Variants in RGS6 observed in about 807,000 individuals in gnomAD.
RGS6 encodes the protein regulator of G-protein signaling 6.
Under a neutral mutation model 78.5 loss-of-function variants are expected in RGS6, and 30 were observed. The observed-to-expected ratio is 0.38, with a 90% CI of 0.29 to 0.52. RGS6 has a LOEUF of 0.52. Among genes scored for constraint, RGS6 ranks in the 20% least tolerant of loss-of-function variants. The pLI, the probability that RGS6 is intolerant of heterozygous loss-of-function variation, is 0.85. For synonymous variants in RGS6, 206 were observed against 206.0 expected (o/e 1.00, Z 0.00); for missense variants, 495 against 609.7 (o/e 0.81, Z 1.98).
At chr14:72,061,245 A>T (rs1378740316) in intron 2 of RGS6, among the ~76,000 whole-genome samples, 1 of 152,206 alleles carries the variant, frequency 6.6e-6, no homozygotes, top group Non-Finnish European at 1.5e-5. Flanking sequence ...CTGTGGTAAG[A>T]TAAATTATTG....
intron 2 of RGS6, among the ~76,000 whole-genome samples, chr14:72,175,934 G>C (rs2097099377): frequency 6.6e-6 from 1 of 152,172 alleles, no homozygotes; most frequent in Non-Finnish European, 1.5e-5. Flanking sequence ...CCTGTCTCTT[G>C]ATGCTGTGAA....
At chr14:72,020,629 G>T (rs2088207820) in intron 2 of RGS6, among the ~76,000 whole-genome samples, 1 of 152,208 alleles carries the variant, frequency 6.6e-6, no homozygotes, top group African/African-American at 2.4e-5. Context: ...AGTTTTCTGA[G>T]ATCTTCACCA....
intron 17 of RGS6, among the ~76,000 whole-genome samples, chr14:72,548,798 T>C (rs547614956): frequency 6.6e-6 from 1 of 152,208 alleles, no homozygotes; most frequent in Admixed American, 6.5e-5. Flanking sequence ...AGAGCAAGGC[T>C]AGAACAAATG....
intron 2 of RGS6, among the ~76,000 whole-genome samples, chr14:72,344,415 G>C (rs1379146022): frequency 1.3e-5 from 2 of 152,260 alleles, no homozygotes; most frequent in East Asian, 3.9e-4. Context: ...GAACATTGTT[G>C]CTAAGGTTCA....
intron 3 of RGS6, among the ~76,000 whole-genome samples, chr14:72,389,446 C>T (rs1380543370): frequency 2.0e-5 from 3 of 152,178 alleles, no homozygotes; most frequent in African/African-American, 7.2e-5. Context: ...GGCCAGGACA[C>T]ACACTGGGTG....
chr14:72,235,065 G>A (rs2050665414), intron 2 of RGS6, among the ~76,000 whole-genome samples: 1 of 152,072 alleles, frequency 6.6e-6, no homozygotes, highest in Non-Finnish European at 1.5e-5. Flanking sequence ...TATTTATTTA[G>A]TTGTTTGTTT....
chr14:72,516,511 G>T (rs1311813906), intron 14 of RGS6, among the ~76,000 whole-genome samples: 1 of 152,204 alleles, frequency 6.6e-6, no homozygotes, highest in Non-Finnish European at 1.5e-5. Context: ...AGGACTTGTG[G>T]CTGTCAGAGA....
upstream of RGS6, among the ~76,000 whole-genome samples, chr14:71,928,550 C>G (rs1223379941): frequency 2.0e-5 from 3 of 152,166 alleles, no homozygotes; most frequent in African/African-American, 7.2e-5. Flanking sequence ...AGTTTTCTAC[C>G]TTGGCCTGTC....
chr14:71,962,808 C>G (rs1408393455), intron 1 of RGS6, among the ~76,000 whole-genome samples: 1 of 152,178 alleles, frequency 6.6e-6, no homozygotes, highest in Non-Finnish European at 1.5e-5. Flanking sequence ...ACAAATTCCT[C>G]TCTCTCCCAT....
intron 2 of RGS6, among the ~76,000 whole-genome samples, chr14:72,314,843 A>G (rs2069649742): frequency 6.6e-6 from 1 of 152,226 alleles, no homozygotes; most frequent in African/African-American, 2.4e-5. Flanking sequence ...GTTATGTAAA[A>G]CAGAGATAAT....
chr14:72,196,028 T>C (rs568687501), intron 2 of RGS6, among the ~76,000 whole-genome samples: 51 of 151,684 alleles, frequency 3.4e-4, no homozygotes, highest in African/African-American at 1.2e-3. Flanking sequence ...GGAGGATGAG[T>C]TGGAGGAAGG....
intron 3 of RGS6, among the ~76,000 whole-genome samples, chr14:72,448,147 A>G (rs565720012): frequency 6.6e-6 from 1 of 152,348 alleles, no homozygotes; most frequent in Non-Finnish European, 1.5e-5. Context: ...AATGGAGATC[A>G]GGGCAGGTGG....
intron 2 of RGS6, among the ~76,000 whole-genome samples, chr14:72,263,840 A>G (rs1296638070): frequency 2.0e-5 from 3 of 152,252 alleles, no homozygotes; most frequent in African/African-American, 7.2e-5. Flanking sequence ...ATTTTGTTAT[A>G]GCAGCCCAAA....
intron 12 of RGS6, among the ~76,000 whole-genome samples, chr14:72,488,253 G>T (rs1047380661): frequency 3.9e-5 from 6 of 152,220 alleles, no homozygotes; most frequent in African/African-American, 1.4e-4. Flanking sequence ...GACTTTCTGT[G>T]TTCCTTCTCC....
the RGS6 span, among the ~76,000 whole-genome samples, chr14:71,876,886 C>T: frequency 6.6e-6 from 1 of 152,110 alleles, no homozygotes; most frequent in Non-Finnish European, 1.5e-5. Context: ...GACAAAATCT[C>T]TCAGCATTTG....
intron 3 of RGS6, among the ~76,000 whole-genome samples, chr14:72,374,156 T>A (rs1222487776): frequency 6.6e-6 from 1 of 152,170 alleles, no homozygotes; most frequent in Non-Finnish European, 1.5e-5. Context: ...TTGTTACATA[T>A]GTATACATGT....
the RGS6 span, among the ~76,000 whole-genome samples, chr14:71,902,914 G>A: frequency 6.6e-6 from 1 of 152,210 alleles, no homozygotes; most frequent in Non-Finnish European, 1.5e-5. Flanking sequence ...TGAGCACAGG[G>A]CAGGTGATGT....
intron 2 of RGS6, among the ~76,000 whole-genome samples, chr14:72,155,155 G>A (rs1280889463): frequency 6.6e-6 from 1 of 152,212 alleles, no homozygotes; most frequent in East Asian, 1.9e-4. Context: ...ACTCCTGCCT[G>A]TCACTTTGAG....
rs1004885347 is a variant in RGS6 at position 72,462,287 on chromosome 14, A to G, written c.394+2604A>G. On this transcript the variant is annotated intron_variant, in intron 6 of 17. Coordinates refer to ENST00000553525, the MANE Select transcript of RGS6 (RefSeq NM_001204424.2). ...AGTATTCAAAGGTTTTATGTGATGA[A>G]TGACTGAGAAGGCTGAATAGCTTGG... Among the ~76,000 whole-genome samples, 6 of 152,158 alleles carry G rather than the reference A, an allele frequency of 3.9e-5. No individual in the cohort carries two copies. In the East Asian group the frequency reaches 1.2e-3, roughly 29 times the overall value.
Sources: gnomAD v4.1 joint callset for allele counts (sites outside exome capture counted in the v4.1 genomes callset) on GRCh38, gnomAD v4.1.1 for gene constraint, MANE v1.5 for transcripts, NCBI Gene and HGNC (gene_info 2026-07-23, HGNC 2026-07-21) for gene names.